The following PCDHGB4 variants were observed in gnomAD, a reference collection of about 807,000 sequenced individuals.
PCDHGB4 encodes the protein protocadherin gamma-B4.
Under a neutral mutation model 60.5 loss-of-function variants are expected in PCDHGB4, and 38 were observed. The ratio of observed to expected loss-of-function variants is 0.63; its 90% CI spans 0.48 to 0.82. PCDHGB4 has a LOEUF of 0.82. PCDHGB4 is among the 40% of genes least tolerant of loss of function. The pLI is 0.00. For missense variants in PCDHGB4, 1,109 were observed against 1,209.6 expected (o/e 0.92, Z 1.23); for synonymous variants, 456 against 509.7 (o/e 0.89, Z 1.42).
chr5:141,481,427 T>C lies in PCDHGB4; in HGVS notation c.2398-13380T>C, dbSNP rs79272909. Reference sequence around the variant, plus strand: ...TTGTATAATTAGATTGTGATGATGATTGTATCAGTTTAGTACATGTAAATA... The same window carrying C: ...TTGTATAATTAGATTGTGATGATGACTGTATCAGTTTAGTACATGTAAATA... On this transcript the variant is annotated intron_variant, in intron 1 of 3. Transcript: ENST00000519479. Among the ~76,000 whole-genome samples the C allele has an allele frequency of 6.0e-3, 907 of 152,334 alleles. 5 individuals are homozygous for C. Among genetic ancestry groups the C allele is most frequent in the African/African-American group, 0.02 (840 of 41,578 alleles).
chr5:141,500,139 CT>C (rs2099796692), intron 2 of PCDHGB4, among the ~76,000 whole-genome samples: 2 of 151,768 alleles, frequency 1.3e-5, no homozygotes, highest in East Asian at 3.9e-4. Context: ...TCTTTCTAAA[CT>C]TTTCTTTGTG....
intron 1 of PCDHGB4, chr5:141,398,715 G>A: frequency 1.2e-6 from 2 of 1,613,850 alleles, no homozygotes; most frequent in Non-Finnish European, 1.7e-6. Flanking sequence ...AACTGGCACT[G>A]GAGAAAACCT....
intron 1 of PCDHGB4, chr5:141,399,420 C>T (rs1257006819): frequency 1.9e-6 from 3 of 1,614,034 alleles, no homozygotes; most frequent in Non-Finnish European, 2.5e-6. Flanking sequence ...TCTCCTCCAG[C>T]ATAAGCGTCA....
chr5:141,470,565 A>T (rs2099233471), intron 1 of PCDHGB4, among the ~76,000 whole-genome samples: 1 of 152,172 alleles, frequency 6.6e-6, no homozygotes, highest in African/African-American at 2.4e-5. Context: ...CCTCTGTGCC[A>T]AGCAGGATCA....
chr5:141,395,317 A>G, intron 1 of PCDHGB4: 1 of 1,488,840 alleles, frequency 6.7e-7, no homozygotes, highest in Non-Finnish European at 9.0e-7. Flanking sequence ...AACATTGTGA[A>G]GATAGTTGAA....
Position 141,431,412 on chromosome 5 carries a change from GC to G in PCDHGB4, c.2397+41132del. ...CTGGTCCTTACGGCCTCCGACGGGG[GC>G]GACCCGGTGCGCACAGGCACCGCGC... On this transcript the variant is annotated intron_variant, in intron 1 of 3. Coordinates refer to ENST00000519479, the MANE Select transcript of PCDHGB4 (RefSeq NM_003736.4). The surrounding 1 kb of genome is among the most constrained non-coding windows in gnomAD (Gnocchi z 4.8). The G allele has an allele frequency of 6.2e-7, 1 of 1,613,714 alleles. No homozygotes were observed. Among genetic ancestry groups the G allele is most frequent in the Non-Finnish European group, 8.5e-7 (1 of 1,180,050 alleles).
intron 1 of PCDHGB4, chr5:141,411,549 A>G (rs1169343676): frequency 6.6e-6 from 1 of 152,210 alleles, no homozygotes; most frequent in African/African-American, 2.4e-5. Flanking sequence ...TTGCCACTGC[A>G]CTCCAGCCTG....
intron 1 of PCDHGB4, among the ~76,000 whole-genome samples, chr5:141,467,903 C>G (rs1256664266): frequency 6.6e-6 from 1 of 152,156 alleles, no homozygotes. Context: ...AAGAAATCCG[C>G]CCACCTCAGC....
At chr5:141,423,090 G>A in intron 1 of PCDHGB4, 2 of 1,614,022 alleles carry the variant, frequency 1.2e-6, no homozygotes, top group Non-Finnish European at 1.7e-6. Flanking sequence ...TCGCGGTGGG[G>A]GAGCACACGG....
At chr5:141,410,688 A>G in intron 1 of PCDHGB4, 1 of 1,519,164 alleles carries the variant, frequency 6.6e-7, no homozygotes, top group South Asian at 1.3e-5. Flanking sequence ...TAGGCATACT[A>G]CTTTATTTTC....
rs754458764 is a variant in PCDHGB4, at chr5:141,389,914, C to A, written c.2030C>A (p.Pro677His). The change falls in exon 1 of 4, where the codon CCC (proline) becomes CAC (histidine). Residue 677 changes from proline to histidine, a missense_variant. This residue lies in a region of PCDHGB4 where 1,068 missense variants were observed against 1,089.9 expected (regional missense o/e 0.98). Coordinates refer to ENST00000519479, the MANE Select transcript of PCDHGB4 (RefSeq NM_003736.4). ...QEVLPDITDR[P>H]DPSDLQAELQ... ...GTGCTGCCGGATATCACTGACCGCCCCGACCCCTCTGACCTCCAGGCTGAG... is the reference window on the plus strand; with the variant it reads ...GTGCTGCCGGATATCACTGACCGCCACGACCCCTCTGACCTCCAGGCTGAG... 2 of 1,613,956 alleles carry A rather than the reference C, an allele frequency of 1.2e-6. No individual in the cohort carries two copies. The highest frequency in any genetic ancestry group is 2.7e-5 in the African/African-American group (2 of 74,944).
At position 141,477,626 on chromosome 5, in the gene PCDHGB4, G is replaced by A. The variant is rs201987467; in HGVS notation, c.2398-17181G>A. The A allele has an allele frequency of 1.9e-5, 31 of 1,614,052 alleles. No individual in the cohort carries two copies. The highest frequency in any genetic ancestry group is 2.5e-5 in the Non-Finnish European group (30 of 1,180,044). Reference sequence around the variant, plus strand: ...TCTCTTGGAGCAAGGAGCTGAAACCGGGCTAGTGGGTCGCTATTTCACAAT... The same window carrying A: ...TCTCTTGGAGCAAGGAGCTGAAACCAGGCTAGTGGGTCGCTATTTCACAAT... On this transcript the variant is annotated intron_variant, in intron 1 of 3. Transcript: ENST00000519479. This position sits in a 1 kb window ranked among gnomAD's most constrained non-coding sequence, Gnocchi z 4.9.
chr5:141,393,486 A>G, intron 1 of PCDHGB4: 1 of 1,614,082 alleles, frequency 6.2e-7, no homozygotes. Flanking sequence ...TCGCTCTAGC[A>G]CAGTGCGCAT....
rs778246278 is a variant in PCDHGB4 at position 141,491,522 on chromosome 5, A to C, written c.2398-3285A>C. The C allele has an allele frequency of 6.2e-6, 10 of 1,614,024 alleles. No individual in the cohort carries two copies. The highest frequency in any genetic ancestry group is 8.5e-6 in the Non-Finnish European group (10 of 1,180,002). ...TCGGACGGCACGCTCAAGTACATGGAGGTGACGCTGCGGCCCACAGACTCG... is the reference window on the plus strand; with the variant it reads ...TCGGACGGCACGCTCAAGTACATGGCGGTGACGCTGCGGCCCACAGACTCG... On this transcript the variant is annotated intron_variant, in intron 1 of 3. Coordinates refer to ENST00000519479, the MANE Select transcript of PCDHGB4 (RefSeq NM_003736.4). The surrounding 1 kb of genome is among the most constrained non-coding windows in gnomAD (Gnocchi z 6.9).
chr5:141,487,803 A>G lies in PCDHGB4; in HGVS notation c.2398-7004A>G. On this transcript the variant is annotated intron_variant, in intron 1 of 3. Transcript: ENST00000519479. The surrounding 1 kb of genome is among the most constrained non-coding windows in gnomAD (Gnocchi z 5.0). ...TTCGTGAATTAACCAGAGTTGTCAC[A>G]GTTTAGCATTGGGGGCGGGTCATGC... 2.0e-6 allele frequency: 3 copies of G among 1,466,166 alleles called. No individual in the cohort carries two copies. The highest frequency in any genetic ancestry group is 2.8e-6 in the Non-Finnish European group (3 of 1,084,448). The allele number at this position is 1,466,166 out of a possible 1,614,324, so 90.8% of individuals were successfully genotyped here. A position where few individuals can be genotyped will look rare whatever the true frequency, so the allele number is the denominator to read the frequency against.
At chr5:141,506,164 G>A (rs959032250) in intron 3 of PCDHGB4, among the ~76,000 whole-genome samples, 17 of 152,140 alleles carry the variant, frequency 1.1e-4, no homozygotes, top group Non-Finnish European at 2.4e-4. Context: ...TAAGAGCACA[G>A]CCTAAGCTGG....
At chr5:141,407,976 G>T (rs1392473551) in intron 1 of PCDHGB4, 2 of 742,146 alleles carry the variant, frequency 2.7e-6, no homozygotes, top group South Asian at 2.3e-5. Flanking sequence ...CTGACGCCGG[G>T]GATCCGTCAG....
chr5:141,421,997 G>A, intron 1 of PCDHGB4: 1 of 1,609,178 alleles, frequency 6.2e-7, no homozygotes. Flanking sequence ...GAAAACATCA[G>A]CTCCGGAACT....
intron 1 of PCDHGB4, among the ~76,000 whole-genome samples, chr5:141,462,223 G>A (rs563764515): frequency 2.0e-5 from 3 of 152,144 alleles, no homozygotes; most frequent in Admixed American, 2.0e-4. Flanking sequence ...GCCTCCCAAA[G>A]TGCAGGGATT....
Sources: gnomAD v4.1 joint callset for allele counts (sites outside exome capture counted in the v4.1 genomes callset) on GRCh38, gnomAD v4.1.1 for gene constraint, gnomAD v4.1.1 regional missense constraint, Gnocchi (gnomAD v3.1) non-coding constraint, MANE v1.5 for transcripts, NCBI Gene and HGNC (gene_info 2026-07-23, HGNC 2026-07-21) for gene names.